Variants in CDH24 observed in about 807,000 individuals in gnomAD.
CDH24 encodes the protein cadherin-24.
Under a neutral mutation model 71.2 loss-of-function variants are expected in CDH24, and 61 were observed. The ratio of observed to expected loss-of-function variants is 0.86; its 90% CI spans 0.70 to 1.06. The LOEUF is 1.06. Among genes scored for constraint, CDH24 ranks in the 50% least tolerant of loss-of-function variants. CDH24 has a pLI of 0.00. For synonymous variants in CDH24, 440 were observed against 470.2 expected (o/e 0.94, Z 0.83); for missense variants, 961 against 1,083.7 (o/e 0.89, Z 1.59).
At position 23,054,590 on chromosome 14, in the gene CDH24, C is replaced by CG; in HGVS notation, c.699dup (p.Gly234ArgfsTer72). 6.2e-7 allele frequency: 1 copy of CG among 1,614,110 alleles called. No individual in the cohort carries two copies. The highest frequency in any genetic ancestry group is 1.1e-5 in the South Asian group (1 of 91,080). On this transcript the variant is annotated frameshift_variant, in exon 5 of 13. Coordinates refer to ENST00000487137, the MANE Select transcript of CDH24 (RefSeq NM_144985.4). LOFTEE classifies it high-confidence loss of function. This position sits in a 1 kb window ranked among gnomAD's most constrained non-coding sequence, Gnocchi z 5.2. ...CTGCCTGACAGCCCCCCCATGTGGCCGCCCATGTCCTTGGCCTGGATCACC... is the reference window on the plus strand; with the variant it reads ...CTGCCTGACAGCCCCCCCATGTGGCCGGCCCATGTCCTTGGCCTGGATCACC...
In CDH24 at chr14:23,047,825, G is replaced by C; in HGVS notation, c.*155C>G. ...CCGACTCAGGAGGAGGGAGGTGAGAGCGAGGGTGCCCCGGGGAAGCAAGGA... is the reference window on the plus strand; with the variant it reads ...CCGACTCAGGAGGAGGGAGGTGAGACCGAGGGTGCCCCGGGGAAGCAAGGA... On this transcript the variant is annotated 3_prime_UTR_variant, in exon 12 of 13. Transcript: ENST00000487137. 1 of 425,514 alleles carries C rather than the reference G, an allele frequency of 2.4e-6. No individual in the cohort carries two copies. Among genetic ancestry groups the C allele is most frequent in the Non-Finnish European group, 4.0e-6 (1 of 253,070 alleles). 26.4% of individuals were successfully genotyped at this position (425,514 alleles called of 1,614,324 possible).
chr14:23,050,342 T>G (rs991297951), intron 8 of CDH24, among the ~76,000 whole-genome samples: 2 of 152,196 alleles, frequency 1.3e-5, no homozygotes, highest in African/African-American at 4.8e-5. Context: ...ACTCAACATT[T>G]AAAACAAATG....
In CDH24 at chr14:23,053,561, C is replaced by A; in HGVS notation, c.1161G>T (p.Lys387Asn). The A allele has an allele frequency of 2.5e-6, 4 of 1,611,134 alleles. No individual in the cohort carries two copies. The highest frequency in any genetic ancestry group is 1.7e-4 in the Middle Eastern group (1 of 6,050). ...AAYHLTVPENKAPGTLVGQIS... is the reference protein window; with the variant it reads ...AAYHLTVPENNAPGTLVGQIS... Reference sequence around the variant, plus strand: ...TCTGGCCTACCAGGGTCCCCGGGGCCTTGTTCTCAGGCACTGTCAGGTGGT... The same window carrying A: ...TCTGGCCTACCAGGGTCCCCGGGGCATTGTTCTCAGGCACTGTCAGGTGGT... Residue 387 changes from lysine to asparagine, a missense_variant, in exon 7 of 13, where the codon AAG becomes AAT. Physicochemically the swap from Lys to Asn is moderately conservative, Grantham distance 94. This residue lies in a region of CDH24 where 671 missense variants were observed against 810.9 expected (regional missense o/e 0.83). Transcript: ENST00000487137.
chr14:23,056,650 G>C (rs1373193395), intron 1 of CDH24, among the ~76,000 whole-genome samples: 1 of 152,230 alleles, frequency 6.6e-6, no homozygotes, highest in Non-Finnish European at 1.5e-5. Flanking sequence ...CTAGGGGCCA[G>C]GCTTGGAAAC....
chr14:23,049,109 G>A lies in CDH24; in HGVS notation c.1764C>T (p.Cys588=), dbSNP rs2047064550. Residue 588 remains cysteine, a synonymous_variant, in exon 11 of 13, where the codon TGC becomes TGT. Transcript: ENST00000487137. ...CAGCTGAGAGGTGAGCCTCAGGCCA[G>A]CAGGATGCCACAGAGCCGTCAGGCT... The part of the protein sequence containing the change: ...RCQPDGSVAS[C]WPEAHLSAAG... The A allele has an allele frequency of 6.2e-7, 1 of 1,609,786 alleles. No homozygotes were observed. The highest frequency in any genetic ancestry group is 8.5e-7 in the Non-Finnish European group (1 of 1,178,356).
At chr14:23,053,468 T>C in intron 7 of CDH24, 28 bp downstream of exon 7, 1 of 1,528,126 alleles carries the variant, frequency 6.5e-7, no homozygotes, top group Admixed American at 2.0e-5. Flanking sequence ...GCCATCTGGC[T>C]CCCCAGCCCA....
chr14:23,051,396 G>C lies in CDH24; in HGVS notation c.1363+1077C>G, dbSNP rs572458417. On this transcript the variant is annotated intron_variant, in intron 8 of 12. Coordinates refer to ENST00000487137, the MANE Select transcript of CDH24 (RefSeq NM_144985.4). The surrounding 1 kb of genome is among the most constrained non-coding windows in gnomAD (Gnocchi z 4.4). ...AATCATACTTCCCTCATAAAGTTGT[G>C]GTGATGATTAAATGAATGAATCCAT... Among the ~76,000 whole-genome samples the C allele has an allele frequency of 2.6e-5, 4 of 152,188 alleles. No homozygotes were observed. Among genetic ancestry groups the C allele is most frequent in the South Asian group, 4.2e-4 (2 of 4,818 alleles).
At chr14:23,050,851 A>G (rs998980337) in intron 8 of CDH24, among the ~76,000 whole-genome samples, 1 of 152,174 alleles carries the variant, frequency 6.6e-6, no homozygotes, top group African/African-American at 2.4e-5. Flanking sequence ...GGGGCTGAGG[A>G]TGCAGCATGG....
rs754703960 is a variant in CDH24 at position 23,055,516 on chromosome 14, G to A, written c.201+17C>T. ...AGGGCTTGGTGTCAGAGTAGACATGGGAGGGGTCATCCTTACCTTGCCAAT... is the reference window on the plus strand; with the variant it reads ...AGGGCTTGGTGTCAGAGTAGACATGAGAGGGGTCATCCTTACCTTGCCAAT... On this transcript the variant is annotated intron_variant, in intron 2 of 12. Transcript: ENST00000487137. This position sits in a 1 kb window ranked among gnomAD's most constrained non-coding sequence, Gnocchi z 4.1. 12 of 1,612,488 alleles carry A rather than the reference G, an allele frequency of 7.4e-6. No homozygotes were observed. The highest frequency in any genetic ancestry group is 1.3e-5 in the African/African-American group (1 of 75,012).
chr14:23,050,189 C>A, intron 8 of CDH24: 1 of 450,272 alleles, frequency 2.2e-6, no homozygotes, highest in Non-Finnish European at 4.0e-6. Flanking sequence ...ACAGGAATGC[C>A]GCACCCATGA....
Position 23,047,944 on chromosome 14 carries a change from C to CG in CDH24, c.*35_*36insC. The CG allele has an allele frequency of 9.9e-7, 1 of 1,009,970 alleles. No individual in the cohort carries two copies. The highest frequency in any genetic ancestry group is 1.2e-6 in the Non-Finnish European group (1 of 801,860). 62.6% of individuals were successfully genotyped at this position (1,009,970 alleles called of 1,614,324 possible). On this transcript the variant is annotated 3_prime_UTR_variant, in exon 12 of 13. Coordinates refer to ENST00000487137, the MANE Select transcript of CDH24 (RefSeq NM_144985.4). ...TCACTCAGAGGGCCTGTGCCCGCTG[C>CG]CCCCCCCCCGCGGTGGGCCGGGCCA...
chr14:23,053,997 C>T (rs1274125912), intron 6 of CDH24, 144 bp downstream of exon 6: 5 of 941,256 alleles, frequency 5.3e-6, no homozygotes, highest in Admixed American at 5.3e-5. Context: ...TCCAGGGCCT[C>T]ATCTGAAGGA....
chr14:23,054,723 C>T lies in CDH24; in HGVS notation c.616+24G>A, dbSNP rs373223898. Reference sequence around the variant, plus strand: ...GTGTCTGTCCCCTTGGCTGCCCCACCGGGCTCCCAGGCTCCATCCTCACCA... The same window carrying T: ...GTGTCTGTCCCCTTGGCTGCCCCACTGGGCTCCCAGGCTCCATCCTCACCA... On this transcript the variant is annotated intron_variant, in intron 4 of 12. Transcript: ENST00000487137. The surrounding 1 kb of genome is among the most constrained non-coding windows in gnomAD (Gnocchi z 5.2). 1.4e-5 allele frequency: 22 copies of T among 1,613,930 alleles called. No homozygotes were observed. Among genetic ancestry groups the T allele is most frequent in the African/African-American group, 5.3e-5 (4 of 74,902 alleles).
At position 23,049,809 on chromosome 14, in the gene CDH24, C is replaced by T; in HGVS notation, c.1485+13G>A. On this transcript the variant is annotated intron_variant, in intron 9 of 12. Coordinates refer to ENST00000487137, the MANE Select transcript of CDH24 (RefSeq NM_144985.4). ...GGCCTGGACGTCCCAACCCCTCTGC[C>T]TCAGTTGCTCACCTGGCCAGGAGCT... 6.2e-7 allele frequency: 1 copy of T among 1,613,932 alleles called. No homozygotes were observed. Among genetic ancestry groups the T allele is most frequent in the South Asian group, 1.1e-5 (1 of 91,076 alleles).
Position 23,055,895 on chromosome 14 carries a change from C to A in CDH24, c.-124-38G>T. 1.6e-6 allele frequency: 1 copy of A among 615,808 alleles called. No individual in the cohort carries two copies. Among genetic ancestry groups the A allele is most frequent in the Non-Finnish European group, 2.8e-6 (1 of 357,142 alleles). 38.1% of individuals were successfully genotyped at this position (615,808 alleles called of 1,614,324 possible). A position where few individuals can be genotyped will look rare whatever the true frequency, so the allele number is the denominator to read the frequency against. On this transcript the variant is annotated intron_variant, in intron 1 of 12. Transcript: ENST00000487137. This position sits in a 1 kb window ranked among gnomAD's most constrained non-coding sequence, Gnocchi z 4.1. ...CAGCTGCTCAGGCTCAAGGAAACCC[C>A]TAGCCCTCCTCCCCCGCAAAATTAG...
intron 8 of CDH24, among the ~76,000 whole-genome samples, chr14:23,050,377 A>G (rs915714668): frequency 1.3e-5 from 2 of 152,206 alleles, no homozygotes; most frequent in Admixed American, 6.5e-5. Flanking sequence ...CAAATGTTTG[A>G]TATGCATAGT....
In CDH24 at chr14:23,048,306, G is replaced by A. The variant is rs754425708; in HGVS notation, c.2020C>T (p.Pro674Ser). 1.2e-5 allele frequency: 19 copies of A among 1,600,774 alleles called. No homozygotes were observed. Among genetic ancestry groups the A allele is most frequent in the South Asian group, 1.1e-4 (10 of 90,100 alleles). ...ALQNPDGAAPPAPGPPARRDV... is the reference protein window; with the variant it reads ...ALQNPDGAAPSAPGPPARRDV... ...CGGCGCGCGGGAGGGCCGGGCGCCG[G>A]GGGGGCCGCCCCGTCCGGGTTCTGC... Residue 674 changes from proline to serine, a missense_variant, in exon 12 of 13, where the codon CCG (proline) becomes TCG (serine). By Grantham distance (74) the Pro-to-Ser change is moderately conservative. This residue lies in a region of CDH24 where 290 missense variants were observed against 272.8 expected (regional missense o/e 1.06). Transcript: ENST00000487137.
rs543514781 is a variant in CDH24 at position 23,055,095 on chromosome 14, G to T, written c.460C>A (p.Pro154Thr). 1 of 1,613,776 alleles carries T rather than the reference G, an allele frequency of 6.2e-7. No individual in the cohort carries two copies. Among genetic ancestry groups the T allele is most frequent in the African/African-American group, 1.3e-5 (1 of 75,028 alleles). Residue 154 changes from proline (P) to threonine (T), a missense_variant, in exon 3 of 13, where the codon CCC becomes ACC. Pro to Thr is a conservative substitution (Grantham distance 38). Coordinates refer to ENST00000487137, the MANE Select transcript of CDH24 (RefSeq NM_144985.4). This position sits in a 1 kb window ranked among gnomAD's most constrained non-coding sequence, Gnocchi z 4.1. ...ATCTCGGGCACGGTGGCATGGTAGGGCCCAAGGGGAAAAATGGGTGGATTG... is the reference window on the plus strand; with the variant it reads ...ATCTCGGGCACGGTGGCATGGTAGGTCCCAAGGGGAAAAATGGGTGGATTG... Reference protein sequence around the residue: ...NDNPPIFPLGPYHATVPEMSN... With the variant: ...NDNPPIFPLGTYHATVPEMSN...
Position 23,049,021 on chromosome 14 carries a change from A to C in CDH24, c.1846+6T>G, listed in dbSNP as rs779897619. On this transcript the variant is annotated splice_donor_region_variant and intron_variant, in intron 11 of 12. Coordinates refer to ENST00000487137, the MANE Select transcript of CDH24 (RefSeq NM_144985.4). ...CACAGCTATGTACCACTGTGGCCTG[A>C]CTCACCAAGCAGGGCACCCACACAG... 1 of 1,610,740 alleles carries C rather than the reference A, an allele frequency of 6.2e-7. No individual in the cohort carries two copies. The highest frequency in any genetic ancestry group is 1.1e-5 in the South Asian group (1 of 90,810).
Sources: allele counts gnomAD v4.1 joint callset (sites outside exome capture counted in the v4.1 genomes callset), GRCh38; gene constraint gnomAD v4.1.1; regional missense constraint gnomAD v4.1.1; non-coding constraint Gnocchi (gnomAD v3.1); transcripts MANE v1.5; gene names NCBI Gene and HGNC (gene_info 2026-07-23, HGNC 2026-07-21).